The following POU6F2 variants were observed in gnomAD, a reference collection of about 807,000 sequenced individuals.
The protein encoded by POU6F2 is POU class 6 homeobox 2, also known as POU domain, class 6, transcription factor 2.
Under a neutral mutation model 71.3 loss-of-function variants are expected in POU6F2, and 31 were observed. The ratio of observed to expected loss-of-function variants is 0.43; its 90% CI spans 0.33 to 0.59. The LOEUF (loss-of-function observed/expected upper bound fraction) is 0.59. Among genes scored for constraint, POU6F2 ranks in the 20% least tolerant of loss-of-function variants. The pLI is 0.04. For missense variants in POU6F2, 783 were observed against 856.8 expected (o/e 0.91, Z 1.07); for synonymous variants, 347 against 355.7 (o/e 0.98, Z 0.27).
chr7:39,068,792 G>A (rs2392618), intron 1 of POU6F2, among the ~76,000 whole-genome samples: 38,356 of 151,994 alleles, frequency 0.25, 5,593 homozygotes, highest in East Asian at 0.73. Context: ...TGGGAAACTT[G>A]ATAACTCTTC....
At chr7:39,049,515 A>G (rs1005789827) in intron 1 of POU6F2, among the ~76,000 whole-genome samples, 3 of 152,066 alleles carry the variant, frequency 2.0e-5, no homozygotes, top group African/African-American at 4.8e-5. Context: ...CGTTGTAGTC[A>G]TAGAACACAC....
chr7:39,342,839 A>G (rs1785946766), intron 5 of POU6F2, among the ~76,000 whole-genome samples: 1 of 152,188 alleles, frequency 6.6e-6, no homozygotes, highest in East Asian at 1.9e-4. Context: ...TTACTCTTTT[A>G]CTGAATTCTG....
chr7:39,280,695 A>G (rs1327592484), intron 4 of POU6F2, among the ~76,000 whole-genome samples: 1 of 152,242 alleles, frequency 6.6e-6, no homozygotes, highest in Non-Finnish European at 1.5e-5. Context: ...TGAACAGCAT[A>G]ATGGAGGAAG....
At chr7:39,146,514 G>A (rs188935364) in intron 2 of POU6F2, among the ~76,000 whole-genome samples, 75 of 152,280 alleles carry the variant, frequency 4.9e-4, no homozygotes, top group African/African-American at 1.8e-3. Flanking sequence ...TCTGGGTAAG[G>A]TGAGCACACC....
At chr7:39,445,357 T>G (rs992250314) in intron 7 of POU6F2, among the ~76,000 whole-genome samples, 10 of 152,186 alleles carry the variant, frequency 6.6e-5, no homozygotes, top group Non-Finnish European at 1.3e-4. Context: ...GAGCAGTCCT[T>G]TGACCTTCCA....
intron 4 of POU6F2, among the ~76,000 whole-genome samples, chr7:39,310,089 A>T (rs141346875): frequency 2.6e-4 from 39 of 152,300 alleles, no homozygotes; most frequent in African/African-American, 7.7e-4. Flanking sequence ...TAAGGTTACT[A>T]TTGGAGCCTT....
chr7:39,095,117 A>T (rs887779850), intron 2 of POU6F2, among the ~76,000 whole-genome samples: 1 of 152,190 alleles, frequency 6.6e-6, no homozygotes. Flanking sequence ...CAGAACAAGG[A>T]TCCTCTCAGT....
At chr7:39,459,139 A>C (rs2116156435) in intron 8 of POU6F2, among the ~76,000 whole-genome samples, 1 of 152,344 alleles carries the variant, frequency 6.6e-6, no homozygotes, top group African/African-American at 2.4e-5. Flanking sequence ...CCAGACTCCC[A>C]GAAGTTACTT....
chr7:39,383,024 C>T (rs1248704282), intron 5 of POU6F2, among the ~76,000 whole-genome samples: 3 of 152,064 alleles, frequency 2.0e-5, no homozygotes, highest in South Asian at 2.1e-4. Flanking sequence ...ATTACCTTTC[C>T]GCAAAAAGTA....
intron 5 of POU6F2, among the ~76,000 whole-genome samples, chr7:39,367,370 A>C (rs2115737404): frequency 6.6e-6 from 1 of 152,378 alleles, no homozygotes; most frequent in Middle Eastern, 3.4e-3. Context: ...ATATTTTAAA[A>C]GACACAGAAT....
intron 5 of POU6F2, among the ~76,000 whole-genome samples, chr7:39,374,675 A>G (rs1301747647): frequency 6.6e-6 from 1 of 152,188 alleles, no homozygotes; most frequent in East Asian, 1.9e-4. Flanking sequence ...CCGTCAGTCA[A>G]CCACGGGGGA....
chr7:39,348,541 A>G (rs1300357505), intron 5 of POU6F2, among the ~76,000 whole-genome samples: 2 of 152,220 alleles, frequency 1.3e-5, no homozygotes. Flanking sequence ...AGAAAGTTCA[A>G]GCAAATTTCT....
chr7:39,081,760 A>G (rs772614697), intron 1 of POU6F2, among the ~76,000 whole-genome samples: 1 of 152,232 alleles, frequency 6.6e-6, no homozygotes, highest in African/African-American at 2.4e-5. Context: ...GGACTAGGTT[A>G]TCCAGGCTTT....
chr7:39,301,470 T>C (rs1408553390), intron 4 of POU6F2, among the ~76,000 whole-genome samples: 2 of 152,226 alleles, frequency 1.3e-5, no homozygotes, highest in Non-Finnish European at 2.9e-5. Flanking sequence ...TGTGCTGCTG[T>C]TACCCGTAGA....
At chr7:39,179,553 A>G (rs1793398827) in intron 2 of POU6F2, among the ~76,000 whole-genome samples, 1 of 152,222 alleles carries the variant, frequency 6.6e-6, no homozygotes, top group South Asian at 2.1e-4. Flanking sequence ...ACACACACGC[A>G]CACAGTCTAC....
At chr7:39,191,934 A>C (rs1351001851) in intron 2 of POU6F2, among the ~76,000 whole-genome samples, 1 of 152,214 alleles carries the variant, frequency 6.6e-6, no homozygotes, top group African/African-American at 2.4e-5. Flanking sequence ...GAAGGAAAAA[A>C]GTCTCCAACA....
chr7:39,368,300 G>A (rs1357964964), intron 5 of POU6F2, among the ~76,000 whole-genome samples: 1 of 152,156 alleles, frequency 6.6e-6, no homozygotes, highest in Non-Finnish European at 1.5e-5. Flanking sequence ...TGAGTGGTCT[G>A]GATCGATCAA....
At chr7:39,361,059 AG>A (rs1422708219) in intron 5 of POU6F2, among the ~76,000 whole-genome samples, 32 of 152,226 alleles carry the variant, frequency 2.1e-4, no homozygotes, top group African/African-American at 7.7e-4. Context: ...GGAATTCAAC[AG>A]GAAAGAAAGA....
chr7:39,409,100 A>G (rs995307046), intron 6 of POU6F2, among the ~76,000 whole-genome samples: 1 of 152,208 alleles, frequency 6.6e-6, no homozygotes, highest in South Asian at 2.1e-4. Flanking sequence ...TCAAAATACC[A>G]TGTAAAGTAG....
Sources: allele counts gnomAD v4.1 joint callset (sites outside exome capture counted in the v4.1 genomes callset), GRCh38; gene constraint gnomAD v4.1.1; transcripts MANE v1.5; gene names NCBI Gene and HGNC (gene_info 2026-07-23, HGNC 2026-07-21).